ABHD8: variants seen among roughly 807,000 people sequenced by gnomAD.
ABHD8 encodes the protein abhydrolase domain containing 8.
In ABHD8, 10 loss-of-function variants were observed where a neutral mutation model predicts 29.3. The observed-to-expected ratio is 0.34, with a 90% CI of 0.21 to 0.58. ABHD8 has a LOEUF of 0.58. Ranked by LOEUF, ABHD8 falls within the 20% of genes least tolerant of loss-of-function variation. The pLI is 0.85. For missense variants in ABHD8, 556 were observed against 615.3 expected (o/e 0.90, Z 1.02); for synonymous variants, 282 against 274.6 (o/e 1.03, Z -0.27).
chr19:17,294,797 G>T lies in ABHD8; in HGVS notation c.810C>A (p.His270Gln). Residue 270 changes from histidine (H) to glutamine (Q), a missense_variant, in exon 3 of 5, where the codon CAC becomes CAA. This residue lies in a region of ABHD8 where 270 missense variants were observed against 353.9 expected (regional missense o/e 0.76). Transcript: ENST00000247706. ...CCCCGCCATTGATCATGATCACCTT[G>T]TGCACTAGGTCTGGGTACTCATGTG... ...FLAHEYPDLV[H>Q]KVIMINGGGP... is the part of the protein sequence containing the mutation. 1 of 1,614,236 alleles carries T rather than the reference G, an allele frequency of 6.2e-7. No individual in the cohort carries two copies. The highest frequency in any genetic ancestry group is 8.5e-7 in the Non-Finnish European group (1 of 1,180,044).
Position 17,301,260 on chromosome 19 carries a change from C to T in ABHD8, c.357G>A (p.Val119=), listed in dbSNP as rs2074116698. The T allele has an allele frequency of 6.2e-7, 1 of 1,600,628 alleles. No individual in the cohort carries two copies. The highest frequency in any genetic ancestry group is 1.3e-5 in the African/African-American group (1 of 74,348). The stretch of plus-strand genomic sequence containing the variant: ...CGCTGCCCGCCGGATCTGCCAGCTC[C>T]ACCTCCAGGGCGGCCGGCGGCTCCC... ...GSGEPPAALE[V]ELADPAGSDG... The change falls in exon 2 of 5, where the codon GTG becomes GTA. Residue 119 remains valine (V), a synonymous_variant. Transcript: ENST00000247706.
chr19:17,292,845 A>G lies in ABHD8; in HGVS notation c.1150-14T>C. ...CAGGAGCAGGATCTGCAGAAGACGC[A>G]GGGCTCAAGGTAGGCGGGGGCAAGA... On this transcript the variant is annotated splice_polypyrimidine_tract_variant and intron_variant, in intron 4 of 4. Coordinates refer to ENST00000247706, the MANE Select transcript of ABHD8 (RefSeq NM_024527.5). The G allele has an allele frequency of 6.2e-7, 1 of 1,608,342 alleles. No homozygotes were observed. The highest frequency in any genetic ancestry group is 8.5e-7 in the Non-Finnish European group (1 of 1,176,692).
At chr19:17,294,634 G>A (rs2074085557) in intron 3 of ABHD8, 41 bp downstream of exon 3, 18 of 1,608,928 alleles carry the variant, frequency 1.1e-5, no homozygotes, top group Non-Finnish European at 1.4e-5. Context: ...GCCTGGGTTC[G>A]CCAGGGCCAG....
intron 2 of ABHD8, chr19:17,297,910 CTTTTTTCT>C (rs2074100577): frequency 8.8e-6 from 1 of 113,990 alleles, no homozygotes; most frequent in Non-Finnish European, 1.8e-5. Context: ...ATTTATTTTT[CTTTTTTCT>C]TTTTTTTTTT....
intron 4 of ABHD8, among the ~76,000 whole-genome samples, chr19:17,293,729 TG>T (rs2074081159): frequency 6.6e-6 from 1 of 151,464 alleles, no homozygotes; most frequent in Non-Finnish European, 1.5e-5. Flanking sequence ...GGTCTTGCTC[TG>T]TCGCCCAGGC....
chr19:17,294,198 A>C, intron 4 of ABHD8, 90 bp downstream of exon 4: 1 of 1,452,084 alleles, frequency 6.9e-7, no homozygotes, highest in Non-Finnish European at 9.2e-7. Flanking sequence ...ACGCCCACCA[A>C]GCGCTACCAC....
rs138969474 is a variant in ABHD8, at chr19:17,294,383, C to T, written c.1054G>A (p.Glu352Lys). The T allele has an allele frequency of 6.2e-7, 1 of 1,613,944 alleles. No homozygotes were observed. Among genetic ancestry groups the T allele is most frequent in the Admixed American group, 1.7e-5 (1 of 60,016 alleles). ...ACGGTGAGCTCGGCGTGGTAGACCT[C>T]GTCGCCCTCGGGCCAGTACTGGCCG... ...MSGQYWPEGD[E>K]VYHAELTVPV... is the part of the protein sequence containing the mutation. The change falls in exon 4 of 5, where the codon GAG (glutamate) becomes AAG (lysine). Residue 352 changes from glutamate (E) to lysine (K), a missense_variant. Around this residue, in one of 2 missense-constraint regions of ABHD8, gnomAD observed 270 missense variants for 353.9 expected, o/e 0.76. Coordinates refer to ENST00000247706, the MANE Select transcript of ABHD8 (RefSeq NM_024527.5).
Position 17,292,587 on chromosome 19 carries a change from G to A in ABHD8, c.*74C>T, listed in dbSNP as rs527308056. 1.5e-5 allele frequency: 22 copies of A among 1,474,170 alleles called. No homozygotes were observed. The African/African-American group carries it at 2.7e-4, about 18-fold the overall frequency. The allele number at this position is 1,474,170 out of a possible 1,614,324, so 91.3% of individuals were successfully genotyped here. A position where few individuals can be genotyped will look rare whatever the true frequency, so the allele number is the denominator to read the frequency against. ...ACGGCCCGCCCAGGTGGTCTGCGCT[G>A]CAGACCTGGCGCAGGCTCGGGCCTC... is the stretch of plus-strand genomic sequence containing the variant. On this transcript the variant is annotated 3_prime_UTR_variant, in exon 5 of 5. Coordinates refer to ENST00000247706, the MANE Select transcript of ABHD8 (RefSeq NM_024527.5).
rs764860195 is a variant in ABHD8 at position 17,294,716 on chromosome 19, G to A, written c.891C>T (p.Val297=). 1.9e-6 allele frequency: 3 copies of A among 1,614,180 alleles called. No individual in the cohort carries two copies. The highest frequency in any genetic ancestry group is 2.2e-5 in the East Asian group (1 of 44,880). The change falls in exon 3 of 5, where the codon GTC becomes GTT. Residue 297 remains valine, a synonymous_variant. Coordinates refer to ENST00000247706, the MANE Select transcript of ABHD8 (RefSeq NM_024527.5). ...FCSIFNMPTC[V]LHCLSPCLAW... is the part of the protein sequence containing the mutation. ...CCAGGCAGGGCGACAAGCAGTGCAG[G>A]ACGCAGGTGGGCATGTTGAAGATTG...
rs777148469 is a variant in ABHD8, at chr19:17,301,167, T to A, written c.450A>T (p.Arg150=). The change falls in exon 2 of 5, where the codon CGA becomes CGT. Residue 150 remains arginine (R), a synonymous_variant. Transcript: ENST00000247706. ...SGSGSGGRRR[R]ARRPKRTIHI... The stretch of plus-strand genomic sequence containing the variant: ...GGATGGTCCTCTTGGGGCGCCTGGC[T>A]CGCCGCCGCCGCCCACCACTGCCAC... 6.2e-7 allele frequency: 1 copy of A among 1,609,446 alleles called. No individual in the cohort carries two copies. Among genetic ancestry groups the A allele is most frequent in the Non-Finnish European group, 8.5e-7 (1 of 1,179,340 alleles).
chr19:17,295,880 A>T (rs566118300), intron 2 of ABHD8, among the ~76,000 whole-genome samples: 1 of 151,818 alleles, frequency 6.6e-6, no homozygotes, highest in South Asian at 2.1e-4. Flanking sequence ...GCTAATTTTT[A>T]AAAATTTTTT....
chr19:17,296,232 T>G (rs936301870), intron 2 of ABHD8: 1 of 151,734 alleles, frequency 6.6e-6, no homozygotes, highest in Non-Finnish European at 1.5e-5. Flanking sequence ...TTTAAAATTT[T>G]TGTAGAGATG....
chr19:17,299,802 G>C (rs185053861), intron 2 of ABHD8, among the ~76,000 whole-genome samples: 131 of 151,958 alleles, frequency 8.6e-4, no homozygotes, highest in Admixed American at 1.9e-3. Context: ...GCTTTGTTTT[G>C]TTTTAGGAGA....
intron 2 of ABHD8, among the ~76,000 whole-genome samples, chr19:17,300,634 C>T (rs1368213849): frequency 6.6e-6 from 1 of 152,190 alleles, no homozygotes; most frequent in Admixed American, 6.5e-5. Context: ...CGTGCCACCA[C>T]GTCTGGCTAA....
intron 2 of ABHD8, among the ~76,000 whole-genome samples, chr19:17,299,297 C>T (rs192036872): frequency 9.6e-4 from 141 of 146,430 alleles, no homozygotes; most frequent in Admixed American, 1.5e-3. Context: ...TGCGTTGGCT[C>T]ACGCCTGTAA....
At chr19:17,299,239 C>CA (rs1157758593) in intron 2 of ABHD8, among the ~76,000 whole-genome samples, 2 of 144,252 alleles carry the variant, frequency 1.4e-5, no homozygotes, top group Non-Finnish European at 3.1e-5. Flanking sequence ...ATGAGACCCC[C>CA]CCCCCATTCT....
intron 2 of ABHD8, among the ~76,000 whole-genome samples, chr19:17,300,498 C>T (rs1229633673): frequency 6.6e-6 from 1 of 151,102 alleles, no homozygotes; most frequent in African/African-American, 2.4e-5. Context: ...TCAGTGGCAT[C>T]TCAGAGTCTC....
chr19:17,294,450 G>A lies in ABHD8; in HGVS notation c.987C>T (p.Asn329=). Residue 329 remains asparagine, a synonymous_variant, in exon 4 of 5, where the codon AAC becomes AAT. Coordinates refer to ENST00000247706, the MANE Select transcript of ABHD8 (RefSeq NM_024527.5). ...AKEKQLLKEG[N]AFNVSSFVLR... The stretch of plus-strand genomic sequence containing the variant: ...GTACGAAGGATGACACGTTGAAAGC[G>A]TTGCCCTCCTTTAACAGCTGCTTCT... 1 of 1,614,178 alleles carries A rather than the reference G, an allele frequency of 6.2e-7. No individual in the cohort carries two copies. The highest frequency in any genetic ancestry group is 8.5e-7 in the Non-Finnish European group (1 of 1,180,010).
At chr19:17,294,532 C>A in intron 3 of ABHD8, 28 bp from the exon 4 acceptor site, 1 of 1,613,044 alleles carries the variant, frequency 6.2e-7, no homozygotes, top group Non-Finnish European at 8.5e-7. Context: ...ACCGCTAGAG[C>A]CCCTTATGCC....
Sources: allele counts gnomAD v4.1 joint callset (sites outside exome capture counted in the v4.1 genomes callset), GRCh38; gene constraint gnomAD v4.1.1; regional missense constraint gnomAD v4.1.1; transcripts MANE v1.5; gene names NCBI Gene and HGNC (gene_info 2026-07-23, HGNC 2026-07-21).